NEMP2: variants seen among roughly 807,000 people sequenced by gnomAD.
NEMP2 encodes the protein nuclear envelope integral membrane protein 2.
NEMP2 carries 53 observed loss-of-function variants against 54.2 expected under a neutral mutation model. The observed-to-expected ratio is 0.98, with a 90% CI of 0.78 to 1.23. The LOEUF is 1.23. Among genes scored for constraint, NEMP2 ranks in the 50% most tolerant of loss-of-function variants. The pLI is 0.00. For synonymous variants in NEMP2, 197 were observed against 190.3 expected, an observed-to-expected ratio of 1.04 and a Z score of -0.29; for missense variants, 455 against 511.3, an observed-to-expected ratio of 0.89 and a Z score of 1.06.
chr2:190,433,772 G>C, the NEMP2 span, among the ~76,000 whole-genome samples: 2 of 152,172 alleles, frequency 1.3e-5, no homozygotes, highest in African/African-American at 4.8e-5. The surrounding 1 kb of genome is among the most constrained non-coding windows in gnomAD (Gnocchi z 4.5). Context: ...GCTTTGTAGA[G>C]ATTAAAAAAT....
In NEMP2 at chr2:190,505,692, A is replaced by G. The variant is rs537459843; in HGVS notation, c.*3497T>C. ...ATAATCCAACTCCTAGGCCAGAGAA[A>G]GACTAAAGATTTTAACACATCTGAG... On this transcript the variant is annotated 3_prime_UTR_variant, in exon 9 of 9. Transcript: ENST00000409150. This position sits in a 1 kb window ranked among gnomAD's most constrained non-coding sequence, Gnocchi z 5.8. The G allele has an allele frequency of 2.6e-5, 4 of 152,364 alleles. No individual in the cohort carries two copies. The highest frequency in any genetic ancestry group is 4.8e-5 in the African/African-American group (2 of 41,590). The allele number at this position is 152,364 out of a possible 1,614,324, so 9.4% of individuals were successfully genotyped here.
the NEMP2 span, among the ~76,000 whole-genome samples, chr2:190,548,647 T>C: frequency 6.6e-6 from 1 of 152,258 alleles, no homozygotes; most frequent in East Asian, 1.9e-4. Context: ...GAGAGAATCT[T>C]GTTAAAATTC....
In NEMP2 at chr2:190,522,777, G is replaced by C. The variant is rs567728627; in HGVS notation, c.213+2486C>G. 6.6e-6 allele frequency among the ~76,000 whole-genome samples: 1 copy of C among 152,282 alleles called. No homozygotes were observed. Among genetic ancestry groups the C allele is most frequent in the South Asian group, 2.1e-4 (1 of 4,822 alleles). Reference sequence around the variant, plus strand: ...CTCCGCAATTACTTATGATAACCCAGACATTCCTTTCTATTGATAATAACT... The same window carrying C: ...CTCCGCAATTACTTATGATAACCCACACATTCCTTTCTATTGATAATAACT... On this transcript the variant is annotated intron_variant, in intron 2 of 8. Coordinates refer to ENST00000409150, the MANE Select transcript of NEMP2 (RefSeq NM_001142645.2). The surrounding 1 kb of genome is among the most constrained non-coding windows in gnomAD (Gnocchi z 5.0).
rs1350099791 is a variant in NEMP2, at chr2:190,519,744, G to T, written c.214-561C>A. On this transcript the variant is annotated intron_variant, in intron 2 of 8. Transcript: ENST00000409150. The surrounding 1 kb of genome is among the most constrained non-coding windows in gnomAD (Gnocchi z 5.4). ...GTGGCTGATTTAAGTCCCTCTTCTA[G>T]CAAGTTATTGTGGCCAAGAGACATT... is the stretch of plus-strand genomic sequence containing the variant. Among the ~76,000 whole-genome samples the T allele has an allele frequency of 6.6e-6, 1 of 152,158 alleles. No homozygotes were observed. Among genetic ancestry groups the T allele is most frequent in the African/African-American group, 2.4e-5 (1 of 41,434 alleles).
the NEMP2 span, among the ~76,000 whole-genome samples, chr2:190,470,620 C>T: frequency 6.6e-6 from 1 of 152,166 alleles, no homozygotes; most frequent in South Asian, 2.1e-4. Context: ...TTGCACTAAA[C>T]AGTCTGTGAT....
At position 190,534,571 on chromosome 2, in the gene NEMP2, C is replaced by T; in HGVS notation, c.85G>A (p.Ala29Thr). The T allele has an allele frequency of 2.1e-6, 3 of 1,399,106 alleles. No homozygotes were observed. The highest frequency in any genetic ancestry group is 2.8e-6 in the Non-Finnish European group (3 of 1,080,814). 86.7% of individuals were successfully genotyped at this position (1,399,106 alleles called of 1,614,324 possible). A position where few individuals can be genotyped will look rare whatever the true frequency, so the allele number is the denominator to read the frequency against. Residue 29 changes from alanine to threonine, a missense_variant, in exon 1 of 9, where the codon GCA becomes ACA. Transcript: ENST00000409150. ...GGTCCCGGGTTACCTGATAACGCTG[C>T]CGCCGCCGCCTCCCCGCGCACGGGC... ...TLPVRGEAAA[A>T]ALSVRRCKAL...
At chr2:190,429,227 C>CGTGTGTGT in the NEMP2 span, among the ~76,000 whole-genome samples, 390 of 148,912 alleles carry the variant, frequency 2.6e-3, 2 homozygotes, top group Non-Finnish European at 4.2e-3. Context: ...TCTTTTGTTA[C>CGTGTGTGT]GTGTGTGTGT....
chr2:190,642,198 T>C, the NEMP2 span, among the ~76,000 whole-genome samples: 1 of 152,212 alleles, frequency 6.6e-6, no homozygotes, highest in African/African-American at 2.4e-5. The surrounding 1 kb of genome is among the most constrained non-coding windows in gnomAD (Gnocchi z 4.1). Flanking sequence ...AACCTAACCA[T>C]CTCGGGTTTT....
the NEMP2 span, among the ~76,000 whole-genome samples, chr2:190,455,644 T>C: frequency 5.3e-5 from 8 of 152,030 alleles, no homozygotes; most frequent in African/African-American, 1.7e-4. Flanking sequence ...ACATGAGATA[T>C]GAAGTGGAAA....
rs1690711119 is a variant in NEMP2 at position 190,520,325 on chromosome 2, C to G, written c.214-1142G>C. On this transcript the variant is annotated intron_variant, in intron 2 of 8. Coordinates refer to ENST00000409150, the MANE Select transcript of NEMP2 (RefSeq NM_001142645.2). The surrounding 1 kb of genome is among the most constrained non-coding windows in gnomAD (Gnocchi z 5.4). The stretch of plus-strand genomic sequence containing the variant: ...AAGGACCAGATCCCAACCTCAGGTC[C>G]TATTCACATCACAGAACAAAGCACT... 6.6e-6 allele frequency among the ~76,000 whole-genome samples: 1 copy of G among 152,186 alleles called. No individual in the cohort carries two copies. The highest frequency in any genetic ancestry group is 6.5e-5 in the Admixed American group (1 of 15,284).
chr2:190,480,386 A>G, the NEMP2 span, among the ~76,000 whole-genome samples: 1 of 146,918 alleles, frequency 6.8e-6, no homozygotes, highest in Non-Finnish European at 1.5e-5. Context: ...TACTATAGTT[A>G]GTAGTTTATA....
the NEMP2 span, among the ~76,000 whole-genome samples, chr2:190,498,181 G>A: frequency 6.6e-6 from 1 of 152,126 alleles, no homozygotes; most frequent in Non-Finnish European, 1.5e-5. The surrounding 1 kb of genome is among the most constrained non-coding windows in gnomAD (Gnocchi z 5.9). Flanking sequence ...GGCCTCACCT[G>A]AAAAATAAGT....
chr2:190,611,633 T>C, the NEMP2 span, among the ~76,000 whole-genome samples: 5 of 152,242 alleles, frequency 3.3e-5, no homozygotes, highest in Non-Finnish European at 7.3e-5. The surrounding 1 kb of genome is among the most constrained non-coding windows in gnomAD (Gnocchi z 5.4). Flanking sequence ...CACAACTTGT[T>C]TAAATCTTCC....
Position 190,529,006 on chromosome 2 carries a change from C to T in NEMP2, c.98-3628G>A, listed in dbSNP as rs1030100232. Among the ~76,000 whole-genome samples, 1 of 152,144 alleles carries T rather than the reference C, an allele frequency of 6.6e-6. No individual in the cohort carries two copies. The highest frequency in any genetic ancestry group is 1.5e-5 in the Non-Finnish European group (1 of 68,024). On this transcript the variant is annotated intron_variant, in intron 1 of 8. Coordinates refer to ENST00000409150, the MANE Select transcript of NEMP2 (RefSeq NM_001142645.2). This position sits in a 1 kb window ranked among gnomAD's most constrained non-coding sequence, Gnocchi z 4.7. ...TGCTGCCCCCCAACTACCATGTTTT[C>T]CCCTACAACACACTTTTCAATTAGC...
At chr2:190,447,100 A>G in the NEMP2 span, among the ~76,000 whole-genome samples, 2 of 152,142 alleles carry the variant, frequency 1.3e-5, no homozygotes, top group African/African-American at 4.8e-5. This position sits in a 1 kb window ranked among gnomAD's most constrained non-coding sequence, Gnocchi z 4.5. Flanking sequence ...AAAAAAAAAA[A>G]CTTGAAAGGA....
the NEMP2 span, among the ~76,000 whole-genome samples, chr2:190,444,407 A>C: frequency 6.6e-6 from 1 of 152,360 alleles, no homozygotes; most frequent in Non-Finnish European, 1.5e-5. Flanking sequence ...CCACAACATC[A>C]GTTCTACTGT....
the NEMP2 span, chr2:190,435,910 G>A: frequency 7.7e-7 from 1 of 1,301,704 alleles, no homozygotes; most frequent in Non-Finnish European, 1.0e-6. Context: ...TTTCCTGCAA[G>A]ATGAAGTTCT....
rs562516625 is a variant in NEMP2 at position 190,528,095 on chromosome 2, T to C, written c.98-2717A>G. Among the ~76,000 whole-genome samples the C allele has an allele frequency of 1.3e-5, 2 of 152,316 alleles. No individual in the cohort carries two copies. The highest frequency in any genetic ancestry group is 4.8e-5 in the African/African-American group (2 of 41,560). ...AAAGAAGAATTCACAACCAGGGCTA[T>C]GAATACACAAAGCAACCAATGCTGA... On this transcript the variant is annotated intron_variant, in intron 1 of 8. Transcript: ENST00000409150. The surrounding 1 kb of genome is among the most constrained non-coding windows in gnomAD (Gnocchi z 4.3).
chr2:190,572,871 A>G, the NEMP2 span, among the ~76,000 whole-genome samples: 6 of 127,506 alleles, frequency 4.7e-5, no homozygotes, highest in African/African-American at 8.6e-5. Context: ...ATATATATAT[A>G]TATATGTATA....
Sources: allele counts gnomAD v4.1 joint callset (sites outside exome capture counted in the v4.1 genomes callset), GRCh38; gene constraint gnomAD v4.1.1; non-coding constraint Gnocchi (gnomAD v3.1); transcripts MANE v1.5; gene names NCBI Gene and HGNC (gene_info 2026-07-23, HGNC 2026-07-21).